The following MGST1 variants were observed in gnomAD, a reference collection of about 807,000 sequenced individuals.
The protein encoded by MGST1 is microsomal glutathione S-transferase 1.
Under a neutral mutation model 8.9 loss-of-function variants are expected in MGST1, and 5 were observed. That is an observed-to-expected ratio of 0.56 (90% confidence interval 0.29 to 1.19). The LOEUF (loss-of-function observed/expected upper bound fraction) is 1.19, where lower values mean the gene tolerates loss of function less well. Among genes scored for constraint, MGST1 ranks in the 50% most tolerant of loss-of-function variants. The probability of loss-of-function intolerance (pLI) is 0.08; values close to 1 mark genes in which losing one functional copy is unlikely to be tolerated. For missense variants in MGST1, 182 were observed against 187.4 expected (o/e 0.97, Z 0.17); for synonymous variants, 54 against 67.8 (o/e 0.80, Z 1.00).
rs71054820 is a variant in MGST1 at position 16,479,535 on chromosome 12, C to CTTTTTTTTTTTTT, written n.482+95935_482+95947dup. 3.7e-4 allele frequency among the ~76,000 whole-genome samples: 42 copies of CTTTTTTTTTTTTT among 113,096 alleles called. 3 individuals carry two copies. Among genetic ancestry groups the CTTTTTTTTTTTTT allele is most frequent in the African/African-American group, 1.5e-3 (39 of 26,042 alleles). 74.2% of individuals were successfully genotyped at this position (113,096 alleles called of 152,430 possible). On this transcript the variant is annotated intron_variant and non_coding_transcript_variant, in intron 4 of 4. Transcript: ENST00000538857. ...AGGCGTGAGCCACTGCGCCCGGCCT[C>CTTTTTTTTTTTTT]TTTTTTTTTTTTTTTTGAGACAGGG...
At chr12:16,571,148 A>G (rs1163990690) in intron 4 of MGST1, among the ~76,000 whole-genome samples, 1 of 152,122 alleles carries the variant, frequency 6.6e-6, no homozygotes, top group Non-Finnish European at 1.5e-5. Flanking sequence ...TTTTAAGGTA[A>G]GTAGCAGGGT....
chr12:16,432,068 C>T (rs1940943640), intron 1 of MGST1, among the ~76,000 whole-genome samples: 1 of 151,978 alleles, frequency 6.6e-6, no homozygotes, highest in Admixed American at 6.6e-5. Context: ...CTATGCATTC[C>T]ATTTGTTATC....
intron 4 of MGST1, among the ~76,000 whole-genome samples, chr12:16,483,911 C>T (rs1358237503): frequency 6.6e-6 from 1 of 152,126 alleles, no homozygotes; most frequent in Non-Finnish European, 1.5e-5. Flanking sequence ...TTCTTGAGAA[C>T]ACACAAAATA....
Position 16,347,760 on chromosome 12 carries a change from G to T in MGST1, c.-23+50G>T. On this transcript the variant is annotated intron_variant, in intron 1 of 3. Coordinates refer to ENST00000396210, the MANE Select transcript of MGST1 (RefSeq NM_020300.5). This position sits in a 1 kb window ranked among gnomAD's most constrained non-coding sequence, Gnocchi z 4.0. ...GACCGCATGCAAAGGGTGGCAGGCAGGGAGGGCCAGGGTGGGTGGCAGATG... is the reference window on the plus strand; with the variant it reads ...GACCGCATGCAAAGGGTGGCAGGCATGGAGGGCCAGGGTGGGTGGCAGATG... The T allele has an allele frequency of 6.5e-6, 1 of 152,750 alleles. No homozygotes were observed. 9.5% of individuals were successfully genotyped at this position (152,750 alleles called of 1,614,324 possible). A position where few individuals can be genotyped will look rare whatever the true frequency, so the allele number is the denominator to read the frequency against.
At chr12:16,429,086 T>G (rs1940918060) in intron 1 of MGST1, among the ~76,000 whole-genome samples, 1 of 152,122 alleles carries the variant, frequency 6.6e-6, no homozygotes, top group Non-Finnish European at 1.5e-5. Flanking sequence ...ATTGTTAAAT[T>G]TTTTGAACAT....
At chr12:16,446,538 A>G (rs1941081495) in intron 4 of MGST1, among the ~76,000 whole-genome samples, 1 of 151,866 alleles carries the variant, frequency 6.6e-6, no homozygotes, top group Non-Finnish European at 1.5e-5. Context: ...TATTCTATTA[A>G]CCATCTCCAC....
intron 4 of MGST1, among the ~76,000 whole-genome samples, chr12:16,524,184 G>A (rs1199968079): frequency 3.3e-5 from 5 of 151,986 alleles, no homozygotes; most frequent in South Asian, 4.2e-4. Context: ...AAATGAGGAA[G>A]TAAACTTTCT....
rs1283839381 is a variant in MGST1, at chr12:16,587,734, G to A, written n.483-1794G>A. 1.3e-5 allele frequency among the ~76,000 whole-genome samples: 2 copies of A among 151,620 alleles called. No individual in the cohort carries two copies. The highest frequency in any genetic ancestry group is 3.0e-5 in the Non-Finnish European group (2 of 67,736). ...CAAACAATGATATGTATTACATGCA[G>A]TAAACACTGCCTTTGGTACACAGGG... On this transcript the variant is annotated intron_variant and non_coding_transcript_variant, in intron 4 of 4. Transcript: ENST00000538857. The surrounding 1 kb of genome is among the most constrained non-coding windows in gnomAD (Gnocchi z 4.3).
intron 1 of MGST1, among the ~76,000 whole-genome samples, chr12:16,398,085 GA>G (rs1221451899): frequency 8.1e-6 from 1 of 123,126 alleles, no homozygotes; most frequent in Non-Finnish European, 1.7e-5. Flanking sequence ...TTCTTGGTTA[GA>G]TTTTTTTTTT....
At chr12:16,551,261 T>C (rs746428587) in intron 4 of MGST1, 1 of 1,612,994 alleles carries the variant, frequency 6.2e-7, no homozygotes, top group Non-Finnish European at 8.5e-7. Context: ...TCATTAAACC[T>C]TCCTCGTAGT....
intron 1 of MGST1, among the ~76,000 whole-genome samples, chr12:16,417,605 A>G (rs974043300): frequency 1.3e-5 from 2 of 152,156 alleles, no homozygotes; most frequent in Non-Finnish European, 2.9e-5. Context: ...ATGACTGCTG[A>G]TTTAGTACTC....
At chr12:16,383,756 C>T (rs367660527) in intron 1 of MGST1, among the ~76,000 whole-genome samples, 7 of 152,294 alleles carry the variant, frequency 4.6e-5, no homozygotes, top group South Asian at 4.1e-4. Flanking sequence ...CCACCATACC[C>T]GGACCTGAGT....
intron 2 of MGST1, among the ~76,000 whole-genome samples, chr12:16,355,283 A>G (rs1939666957): frequency 6.9e-6 from 1 of 145,282 alleles, no homozygotes; most frequent in African/African-American, 2.6e-5. Context: ...ATCTCGGCTC[A>G]CTGCAACCTC....
chr12:16,494,593 C>G (rs1941458573), intron 4 of MGST1, among the ~76,000 whole-genome samples: 1 of 151,992 alleles, frequency 6.6e-6, no homozygotes, highest in South Asian at 2.1e-4. Flanking sequence ...TATAAAGTTG[C>G]CTTTTGCAAG....
At chr12:16,461,635 AC>A (rs753117206) in intron 4 of MGST1, among the ~76,000 whole-genome samples, 23 of 152,192 alleles carry the variant, frequency 1.5e-4, no homozygotes, top group Non-Finnish European at 2.6e-4. Flanking sequence ...TGAGAAAAAA[AC>A]ATTTCAACTC....
chr12:16,348,479 G>C (rs1939300575), intron 1 of MGST1, among the ~76,000 whole-genome samples: 1 of 152,142 alleles, frequency 6.6e-6, no homozygotes, highest in African/African-American at 2.4e-5. Flanking sequence ...GAGGAGAGAG[G>C]AGTGCATGTA....
downstream of MGST1, among the ~76,000 whole-genome samples, chr12:16,379,898 T>G (rs1178218261): frequency 6.6e-6 from 1 of 152,210 alleles, no homozygotes; most frequent in African/African-American, 2.4e-5. Context: ...GTCAAGGAAT[T>G]TATCCATTTC....
At chr12:16,512,720 T>C (rs930551461) in intron 4 of MGST1, among the ~76,000 whole-genome samples, 6 of 152,214 alleles carry the variant, frequency 3.9e-5, no homozygotes, top group African/African-American at 1.4e-4. Flanking sequence ...CCATCATCAG[T>C]GCGCTTTTTC....
At chr12:16,556,346 G>A (rs940007186) in intron 4 of MGST1, among the ~76,000 whole-genome samples, 1 of 152,094 alleles carries the variant, frequency 6.6e-6, no homozygotes, top group Non-Finnish European at 1.5e-5. Context: ...TTTTAAAATA[G>A]AGAAACTAGC....
Sources: gnomAD v4.1 joint callset for allele counts (sites outside exome capture counted in the v4.1 genomes callset) on GRCh38, gnomAD v4.1.1 for gene constraint, Gnocchi (gnomAD v3.1) non-coding constraint, MANE v1.5 for transcripts, NCBI Gene and HGNC (gene_info 2026-07-23, HGNC 2026-07-21) for gene names.